PTPRZ1: variants seen among roughly 807,000 people sequenced by gnomAD.
The protein encoded by PTPRZ1 is protein tyrosine phosphatase receptor type Z1, also known as receptor-type tyrosine-protein phosphatase zeta.
PTPRZ1 carries 82 observed loss-of-function variants against 214.1 expected under a neutral mutation model. That is an observed-to-expected ratio of 0.38 (90% CI 0.32 to 0.46). The LOEUF (loss-of-function observed/expected upper bound fraction) is 0.46. PTPRZ1 is among the 20% of genes least tolerant of loss of function. The probability of loss-of-function intolerance (pLI) is 1.00; values close to 1 mark genes in which losing one functional copy is unlikely to be tolerated. For missense variants in PTPRZ1, 2,603 were observed against 2,748.7 expected (o/e 0.95, Z 1.19); for synonymous variants, 945 against 987.9 (o/e 0.96, Z 0.81).
intron 2 of PTPRZ1, among the ~76,000 whole-genome samples, chr7:121,951,324 C>T (rs1027674210): frequency 3.9e-5 from 6 of 152,112 alleles, no homozygotes; most frequent in East Asian, 1.9e-4. Flanking sequence ...AGAAAAAATA[C>T]TTTGTAATAA....
intron 2 of PTPRZ1, among the ~76,000 whole-genome samples, chr7:121,930,343 G>T (rs556118837): frequency 8.5e-5 from 13 of 152,098 alleles, no homozygotes; most frequent in Admixed American, 6.5e-4. Flanking sequence ...TTCATAATTT[G>T]ACTCCATTTT....
At chr7:122,020,715 A>G (rs1798988887) in intron 13 of PTPRZ1, among the ~76,000 whole-genome samples, 1 of 152,180 alleles carries the variant, frequency 6.6e-6, no homozygotes, top group African/African-American at 2.4e-5. Flanking sequence ...TGGAGAACAG[A>G]TCATGCTTTT....
chr7:121,906,493 G>A (rs1263286988), intron 1 of PTPRZ1, among the ~76,000 whole-genome samples: 2 of 152,060 alleles, frequency 1.3e-5, no homozygotes, highest in African/African-American at 2.4e-5. Context: ...TTTGAGATAC[G>A]GTTCAGTATT....
rs55805372 is a variant in PTPRZ1 at position 122,059,735 on chromosome 7, CTT to C, written c.6672-7_6672-6del. The C allele has an allele frequency of 1.5e-3, 1,860 of 1,268,054 alleles. 11 individuals carry two copies. The African/African-American group carries it at 0.02, about 14-fold the overall frequency. The allele number at this position is 1,268,054 out of a possible 1,614,324, so 78.6% of individuals were successfully genotyped here. A position where few individuals can be genotyped will look rare whatever the true frequency, so the allele number is the denominator to read the frequency against. ...TCTCAATGGAGTCTTTGTTCCTTTT[CTT>C]TTTTTTTTTTACAAGGCATGGAGGA... is the stretch of plus-strand genomic sequence containing the variant. On this transcript the variant is annotated splice_polypyrimidine_tract_variant and intron_variant, in intron 28 of 29. Coordinates refer to ENST00000393386, the MANE Select transcript of PTPRZ1 (RefSeq NM_002851.3).
intron 8 of PTPRZ1, among the ~76,000 whole-genome samples, chr7:121,996,103 A>T (rs1428197138): frequency 6.6e-6 from 1 of 152,172 alleles, no homozygotes; most frequent in Non-Finnish European, 1.5e-5. Context: ...AATGACAGAG[A>T]TCACTTCAGT....
intron 10 of PTPRZ1, among the ~76,000 whole-genome samples, chr7:122,002,694 A>G (rs1798366655): frequency 6.6e-6 from 1 of 152,208 alleles, no homozygotes; most frequent in Non-Finnish European, 1.5e-5. Context: ...TTGCCCATTA[A>G]AAGTATGAAG....
At chr7:121,984,200 G>A in intron 8 of PTPRZ1, 83 bp downstream of exon 8, 1 of 1,246,908 alleles carries the variant, frequency 8.0e-7, no homozygotes. Flanking sequence ...CAAATATAGA[G>A]GACTTAGAGC....
At chr7:121,938,150 C>T (rs913512698) in intron 2 of PTPRZ1, among the ~76,000 whole-genome samples, 6 of 152,100 alleles carry the variant, frequency 3.9e-5, no homozygotes, top group African/African-American at 1.4e-4. Context: ...AAATCTCCCA[C>T]CTCAGAAATC....
Position 121,874,039 on chromosome 7 carries a change from GACACACACACAC to G in PTPRZ1, c.58+497_58+508del, listed in dbSNP as rs10640393. ...GTACACGTGTCTGGTGTGAATTGCAGACACACACACACACACACACACACACCTGAAAGGTAG... is the reference window on the plus strand; with the variant it reads ...GTACACGTGTCTGGTGTGAATTGCAGACACACACACACACCTGAAAGGTAG... On this transcript the variant is annotated intron_variant, in intron 1 of 29. Transcript: ENST00000393386. Among the ~76,000 whole-genome samples the G allele has an allele frequency of 3.4e-5, 5 of 147,932 alleles. No individual in the cohort carries two copies. In the South Asian group the frequency reaches 6.4e-4, roughly 19 times the overall value.
At chr7:122,057,865 G>T (rs1392244349) in intron 27 of PTPRZ1, among the ~76,000 whole-genome samples, 1 of 151,232 alleles carries the variant, frequency 6.6e-6, no homozygotes, top group Non-Finnish European at 1.5e-5. Context: ...TGAGACAAGG[G>T]TTCGGTTTCA....
chr7:122,049,990 A>G (rs977495935), intron 23 of PTPRZ1, among the ~76,000 whole-genome samples: 2 of 152,214 alleles, frequency 1.3e-5, no homozygotes, highest in East Asian at 3.9e-4. Context: ...CAGTGAAGAA[A>G]CAGCAGATTA....
chr7:122,055,363 A>C (rs1016996942), intron 27 of PTPRZ1, among the ~76,000 whole-genome samples: 1 of 151,986 alleles, frequency 6.6e-6, no homozygotes, highest in African/African-American at 2.4e-5. Flanking sequence ...TTAGGTGAAA[A>C]ATAAACACAG....
At chr7:122,054,843 T>C (rs1477059386) in intron 26 of PTPRZ1, 98 bp from the exon 27 acceptor site, 7 of 1,229,598 alleles carry the variant, frequency 5.7e-6, no homozygotes, top group Non-Finnish European at 7.7e-6. Context: ...AAAATTGGAG[T>C]TGAAATTTCT....
At position 122,039,519 on chromosome 7, in the gene PTPRZ1, G is replaced by T. The variant is rs1237815171; in HGVS notation, c.5568G>T (p.Gln1856His). 6.2e-7 allele frequency: 1 copy of T among 1,614,038 alleles called. No homozygotes were observed. Among genetic ancestry groups the T allele is most frequent in the Non-Finnish European group, 8.5e-7 (1 of 1,179,936 alleles). ...SEEYGNFLVTQKSVQVLAYYT... is the reference protein window; with the variant it reads ...SEEYGNFLVTHKSVQVLAYYT... ...AGTACGGGAACTTTCTGGTCACTCA[G>T]AAGAGTGTGCAAGTGCTTGCCTATT... is the stretch of plus-strand genomic sequence containing the variant. The change falls in exon 20 of 30, where the codon CAG (glutamine) becomes CAT (histidine). Residue 1856 changes from glutamine to histidine, a missense_variant. Physicochemically the swap from Gln to His is conservative, Grantham distance 24. Transcript: ENST00000393386.
Position 121,926,274 on chromosome 7 carries a change from C to T in PTPRZ1, c.59-1882C>T, listed in dbSNP as rs952010124. On this transcript the variant is annotated intron_variant, in intron 1 of 29. Transcript: ENST00000393386. Reference sequence around the variant, plus strand: ...GAGCTGAGATCATGCCATTGCACTCCAGCCTGGGCTACAGAGCAAGATTCT... The same window carrying T: ...GAGCTGAGATCATGCCATTGCACTCTAGCCTGGGCTACAGAGCAAGATTCT... Among the ~76,000 whole-genome samples the T allele has an allele frequency of 2.4e-3, 359 of 148,528 alleles. 2 individuals carry two copies. Among genetic ancestry groups the T allele is most frequent in the Non-Finnish European group, 1.3e-3 (88 of 67,596 alleles).
intron 4 of PTPRZ1, among the ~76,000 whole-genome samples, chr7:121,973,283 T>G (rs1416276861): frequency 6.6e-6 from 1 of 152,132 alleles, no homozygotes; most frequent in Non-Finnish European, 1.5e-5. Context: ...TTATGATGGA[T>G]ATTATAGATT....
chr7:121,972,934 T>TGAAG (rs386411164), intron 4 of PTPRZ1, among the ~76,000 whole-genome samples: 1 of 151,854 alleles, frequency 6.6e-6, no homozygotes, highest in Non-Finnish European at 1.5e-5. Flanking sequence ...GATGAATTAA[T>TGAAG]GAAGGAAGGA....
Position 122,013,147 on chromosome 7 carries a change from TC to T in PTPRZ1, c.4103del (p.Pro1368LeufsTer2). The T allele has an allele frequency of 6.2e-7, 1 of 1,614,066 alleles. No homozygotes were observed. The highest frequency in any genetic ancestry group is 8.5e-7 in the Non-Finnish European group (1 of 1,179,884). On this transcript the variant is annotated frameshift_variant, in exon 12 of 30. Transcript: ENST00000393386. LOFTEE classifies it high-confidence loss of function. ...CATTTGTATCTACTGATCATTCTGT[TC>T]CTATAGGAAATGGGCATGTTGCCAT... Reference protein sequence around the residue: ...DTFVSTDHSVPIGNGHVAITA... With the variant: ...DTFVSTDHSVXIGNGHVAITA...
Position 122,038,770 on chromosome 7 carries a change from A to C in PTPRZ1, c.5383A>C (p.Lys1795Gln). 1 of 1,613,774 alleles carries C rather than the reference A, an allele frequency of 6.2e-7. No homozygotes were observed. The highest frequency in any genetic ancestry group is 8.5e-7 in the Non-Finnish European group (1 of 1,179,762). The change falls in exon 19 of 30, where the codon AAA becomes CAA. Residue 1795 changes from lysine to glutamine, a missense_variant. By Grantham distance (53) the Lys-to-Gln change is moderately conservative. Transcript: ENST00000393386. Reference sequence around the variant, plus strand: ...AATTCTTCAGGGCTACAACAGACCAAAAGCTTATATTGCTGCCCAAGGCCC... The same window carrying C: ...AATTCTTCAGGGCTACAACAGACCACAAGCTTATATTGCTGCCCAAGGCCC... ...ANYVDGYNRPKAYIAAQGPLK... is the reference protein window; with the variant it reads ...ANYVDGYNRPQAYIAAQGPLK...
Sources: gnomAD v4.1 joint callset for allele counts (sites outside exome capture counted in the v4.1 genomes callset) on GRCh38, gnomAD v4.1.1 for gene constraint, MANE v1.5 for transcripts, NCBI Gene and HGNC (gene_info 2026-07-23, HGNC 2026-07-21) for gene names.